NSUN7: variants seen among roughly 807,000 people sequenced by gnomAD.
NSUN7 encodes the protein NOP2/Sun RNA methyltransferase family member 7, also known as protein NSUN7.
In NSUN7, 39 loss-of-function variants were observed where a neutral mutation model predicts 58.5. The observed-to-expected ratio is 0.67, with a 90% CI of 0.52 to 0.87. The LOEUF is 0.87. NSUN7 is among the 40% of genes least tolerant of loss of function. The pLI, the probability that NSUN7 is intolerant of heterozygous loss-of-function variation, is 0.00. For missense variants in NSUN7, 765 were observed against 844.1 expected (o/e 0.91, Z 1.16); for synonymous variants, 278 against 303.7 (o/e 0.92, Z 0.88).
chr4:40,802,586 G>T (rs1308365121), intron 10 of NSUN7, among the ~76,000 whole-genome samples: 1 of 151,974 alleles, frequency 6.6e-6, no homozygotes, highest in Non-Finnish European at 1.5e-5. Context: ...TGCTGATACA[G>T]CCACACCAGC....
Position 40,809,725 on chromosome 4 carries a change from A to AG in NSUN7, c.*786_*787insG, listed in dbSNP as rs749640520. ...GATACCTATTGTTGAAGAAACCCAC[A>AG]AATTTCTGATTCTAAGATCAGGGGA... On this transcript the variant is annotated 3_prime_UTR_variant, in exon 12 of 12. Transcript: ENST00000381782. The AG allele has an allele frequency of 1.0e-4, 14 of 140,018 alleles. No homozygotes were observed. The highest frequency in any genetic ancestry group is 2.2e-4 in the Non-Finnish European group (13 of 59,934). 8.7% of individuals were successfully genotyped at this position (140,018 alleles called of 1,614,324 possible).
chr4:40,807,248 G>C, intron 11 of NSUN7, 64 bp downstream of exon 11: 2 of 1,429,234 alleles, frequency 1.4e-6, no homozygotes, highest in Non-Finnish European at 1.9e-6. Context: ...AGCCTCATAA[G>C]AGGAAGCCAG....
At chr4:40,751,235 A>G (rs1578135161) in intron 2 of NSUN7, among the ~76,000 whole-genome samples, 1 of 152,294 alleles carries the variant, frequency 6.6e-6, no homozygotes, top group South Asian at 2.1e-4. Context: ...GTGCGCGGTC[A>G]TTACATTCAA....
chr4:40,808,208 A>T, intron 11 of NSUN7, 99 bp from the exon 12 acceptor site: 2 of 1,337,900 alleles, frequency 1.5e-6, no homozygotes, highest in Non-Finnish European at 2.0e-6. Context: ...TAGTATAATA[A>T]AGAGAGTCTT....
At chr4:40,803,521 AT>A (rs1354053751) in intron 10 of NSUN7, among the ~76,000 whole-genome samples, 1 of 152,018 alleles carries the variant, frequency 6.6e-6, no homozygotes, top group African/African-American at 2.4e-5. Context: ...TTTGATTTGC[AT>A]TTCTCTGATG....
At chr4:40,805,228 A>G (rs1450363580) in intron 10 of NSUN7, among the ~76,000 whole-genome samples, 1 of 152,198 alleles carries the variant, frequency 6.6e-6, no homozygotes, top group Non-Finnish European at 1.5e-5. Flanking sequence ...TATATCTGGC[A>G]TGGCACAGCC....
At chr4:40,766,552 C>T (rs996488306) in intron 4 of NSUN7, among the ~76,000 whole-genome samples, 2 of 152,116 alleles carry the variant, frequency 1.3e-5, no homozygotes, top group South Asian at 2.1e-4. Flanking sequence ...TCTTTTTTGG[C>T]TGTGTCTCTG....
At chr4:40,778,823 A>G (rs1742390571) in intron 7 of NSUN7, among the ~76,000 whole-genome samples, 1 of 152,224 alleles carries the variant, frequency 6.6e-6, no homozygotes, top group Non-Finnish European at 1.5e-5. Context: ...AATAAAATTA[A>G]AAACTAACTT....
At chr4:40,807,575 C>T (rs915539266) in intron 11 of NSUN7, among the ~76,000 whole-genome samples, 3 of 151,918 alleles carry the variant, frequency 2.0e-5, no homozygotes, top group East Asian at 1.9e-4. Context: ...GTCTTGAACT[C>T]GACTTCATGA....
intron 7 of NSUN7, among the ~76,000 whole-genome samples, chr4:40,783,481 C>G (rs1742669724): frequency 1.8e-5 from 1 of 55,282 alleles, no homozygotes; most frequent in Non-Finnish European, 4.0e-5. Context: ...AAAGCACAAG[C>G]AACAAGAAAA....
rs1244603949 is a variant in NSUN7 at position 40,766,232 on chromosome 4, T to C, written c.488+4931T>C. Among the ~76,000 whole-genome samples, 9 of 152,002 alleles carry C rather than the reference T, an allele frequency of 5.9e-5. No homozygotes were observed. The South Asian group carries it at 1.0e-3, about 18-fold the overall frequency. On this transcript the variant is annotated intron_variant, in intron 4 of 11. Coordinates refer to ENST00000381782, the MANE Select transcript of NSUN7 (RefSeq NM_024677.6). ...TGGCTGTGGGTTTGTCATAGATAGC[T>C]CTTATTATTTTGAGATACGTCCCAT...
intron 4 of NSUN7, among the ~76,000 whole-genome samples, chr4:40,770,547 C>T (rs1003817580): frequency 7.9e-5 from 12 of 152,082 alleles, no homozygotes; most frequent in African/African-American, 2.9e-4. Context: ...CATCATTGAC[C>T]TAAATGTCAT....
At chr4:40,760,819 G>A (rs12696795) in intron 3 of NSUN7, among the ~76,000 whole-genome samples, 90,616 of 147,100 alleles carry the variant, frequency 0.62, 29,175 homozygotes, top group Non-Finnish European at 0.73. Flanking sequence ...GCTAGATTGC[G>A]CCATTGCACT....
intron 7 of NSUN7, 26 bp from the exon 8 acceptor site, chr4:40,790,576 T>C (rs1261160166): frequency 7.2e-7 from 1 of 1,389,760 alleles, no homozygotes; most frequent in African/African-American, 1.4e-5. Context: ...ATATTTTACA[T>C]TAAATTTTCT....
At chr4:40,760,288 G>A (rs1301571253) in intron 2 of NSUN7, 146 bp from the exon 3 acceptor site, 16 of 657,504 alleles carry the variant, frequency 2.4e-5, no homozygotes, top group Non-Finnish European at 3.7e-5. Flanking sequence ...TCATGTCACT[G>A]TAATTTAAGT....
chr4:40,795,544 T>G (rs1743286196), intron 9 of NSUN7, among the ~76,000 whole-genome samples: 1 of 152,216 alleles, frequency 6.6e-6, no homozygotes, highest in African/African-American at 2.4e-5. Context: ...CAAAGGGATT[T>G]TAATGACATA....
rs764074347 is a variant in NSUN7 at position 40,808,363 on chromosome 4, G to C, written c.1581G>C (p.Lys527Asn). 1.2e-6 allele frequency: 2 copies of C among 1,614,012 alleles called. No individual in the cohort carries two copies. Among genetic ancestry groups the C allele is most frequent in the East Asian group, 4.5e-5 (2 of 44,888 alleles). The change falls in exon 12 of 12, where the codon AAG becomes AAC. Residue 527 changes from lysine to asparagine, a missense_variant. Physicochemically the swap from Lys to Asn is moderately conservative, Grantham distance 94 (BLOSUM62 0). Transcript: ENST00000381782. ...VNDVLARAAA[K>N]GLLDGIELGK... is the part of the protein sequence containing the mutation. ...ATGTTTTGGCCCGAGCTGCAGCCAA[G>C]GGTCTGCTGGATGGGATTGAGTTGG...
intron 4 of NSUN7, among the ~76,000 whole-genome samples, chr4:40,766,483 C>T (rs1741733696): frequency 6.6e-6 from 1 of 152,010 alleles, no homozygotes; most frequent in Non-Finnish European, 1.5e-5. Flanking sequence ...ATTCGGTTTG[C>T]CAGTATTTTA....
chr4:40,775,097 T>G lies in NSUN7; in HGVS notation c.825+147T>G. ...GGCCTAATTGTCACCTTGAATAAAATTAATACCTCTACAATCAGTGCATCT... is the reference window on the plus strand; with the variant it reads ...GGCCTAATTGTCACCTTGAATAAAAGTAATACCTCTACAATCAGTGCATCT... On this transcript the variant is annotated intron_variant, in intron 6 of 11. Transcript: ENST00000381782. This position sits in a 1 kb window ranked among gnomAD's most constrained non-coding sequence, Gnocchi z 4.3. The G allele has an allele frequency of 2.3e-6, 1 of 441,744 alleles. No homozygotes were observed. The allele number at this position is 441,744 out of a possible 1,614,324, so 27.4% of individuals were successfully genotyped here. A position where few individuals can be genotyped will look rare whatever the true frequency, so the allele number is the denominator to read the frequency against.
Sources: gnomAD v4.1 joint callset for allele counts (sites outside exome capture counted in the v4.1 genomes callset) on GRCh38, gnomAD v4.1.1 for gene constraint, Gnocchi (gnomAD v3.1) non-coding constraint, MANE v1.5 for transcripts, NCBI Gene and HGNC (gene_info 2026-07-23, HGNC 2026-07-21) for gene names.